Variants in DLG2 observed in about 807,000 individuals in gnomAD.
DLG2 encodes the protein discs large MAGUK scaffold protein 2.
A neutral mutation model predicts 132.5 loss-of-function variants in DLG2; 45 were observed. The ratio of observed to expected loss-of-function variants is 0.34; its 90% CI spans 0.27 to 0.44. The LOEUF (loss-of-function observed/expected upper bound fraction) is 0.44. Among genes scored for constraint, DLG2 ranks in the 20% least tolerant of loss-of-function variants. DLG2 has a pLI of 1.00. For synonymous variants in DLG2, 424 were observed against 419.6 expected (o/e 1.01, Z -0.13); for missense variants, 1,045 against 1,196.9 (o/e 0.87, Z 1.87).
intron 18 of DLG2, among the ~76,000 whole-genome samples, chr11:83,653,964 C>T (rs2071473781): frequency 6.6e-6 from 1 of 152,162 alleles, no homozygotes; most frequent in Non-Finnish European, 1.5e-5. Context: ...AAGTGATCTG[C>T]CTGCCTCTAC....
chr11:83,645,981 T>G (rs2068041098), intron 18 of DLG2: 1 of 152,132 alleles, frequency 6.6e-6, no homozygotes, highest in Non-Finnish European at 1.5e-5. Flanking sequence ...ACAATTTTCC[T>G]ATTTATTTTA....
At chr11:85,198,723 G>C (rs530298894) in intron 4 of DLG2, among the ~76,000 whole-genome samples, 1 of 151,750 alleles carries the variant, frequency 6.6e-6, no homozygotes, top group Non-Finnish European at 1.5e-5. Context: ...CATTATTTTG[G>C]CATTTCTAAT....
intron 6 of DLG2, among the ~76,000 whole-genome samples, chr11:84,924,961 T>A (rs2092922624): frequency 6.6e-6 from 1 of 152,168 alleles, no homozygotes; most frequent in Admixed American, 6.5e-5. Context: ...CTCCCAAGGT[T>A]ATAGCAGGTC....
At chr11:85,057,046 A>G (rs1264136915) in intron 6 of DLG2, among the ~76,000 whole-genome samples, 1 of 151,860 alleles carries the variant, frequency 6.6e-6, no homozygotes, top group Non-Finnish European at 1.5e-5. Flanking sequence ...GGGTAAGTCT[A>G]AGTGAATATT....
chr11:85,007,993 A>G (rs2058843495), intron 6 of DLG2, among the ~76,000 whole-genome samples: 1 of 152,176 alleles, frequency 6.6e-6, no homozygotes. Flanking sequence ...GTATTACAGA[A>G]CAGTCCCCAG....
chr11:84,678,099 G>A (rs1473985137), intron 6 of DLG2, among the ~76,000 whole-genome samples: 1 of 151,918 alleles, frequency 6.6e-6, no homozygotes, highest in Non-Finnish European at 1.5e-5. Flanking sequence ...AGACTCTATG[G>A]AAAAGCAGCT....
chr11:84,679,131 A>G (rs927558920), intron 6 of DLG2, among the ~76,000 whole-genome samples: 2 of 151,830 alleles, frequency 1.3e-5, no homozygotes, highest in African/African-American at 4.8e-5. Context: ...AAATAACAGC[A>G]ATGACTCCAA....
At chr11:83,806,470 G>C (rs180809553) in intron 17 of DLG2, among the ~76,000 whole-genome samples, 2 of 152,220 alleles carry the variant, frequency 1.3e-5, no homozygotes, top group African/African-American at 4.8e-5. Context: ...GTGAATATAT[G>C]TGAGTGGAAA....
chr11:85,255,277 T>C (rs2076611605), intron 4 of DLG2, among the ~76,000 whole-genome samples: 1 of 152,130 alleles, frequency 6.6e-6, no homozygotes, highest in Non-Finnish European at 1.5e-5. Flanking sequence ...GTTTATGAAT[T>C]TTAGCAGTGT....
At chr11:84,917,409 A>G (rs1235293272) in intron 6 of DLG2, among the ~76,000 whole-genome samples, 3 of 152,202 alleles carry the variant, frequency 2.0e-5, no homozygotes, top group African/African-American at 4.8e-5. Flanking sequence ...TTTCATATCT[A>G]TATTATCTAT....
Position 84,695,919 on chromosome 11 carries a change from G to C in DLG2, c.358-161188C>G, listed in dbSNP as rs560584051. 2.6e-4 allele frequency among the ~76,000 whole-genome samples: 39 copies of C among 151,432 alleles called. 1 individual carries two copies. The South Asian group carries it at 7.9e-3, about 31-fold the overall frequency. On this transcript the variant is annotated intron_variant, in intron 6 of 27. Coordinates refer to ENST00000376104, the MANE Select transcript of DLG2 (RefSeq NM_001142699.3). ...AAATGTAATGCTTTTCCCTATACTA[G>C]GCTGTCTGCTCCATAAATACTGCTA... is the stretch of plus-strand genomic sequence containing the variant.
At chr11:84,624,121 T>C (rs183643509) in intron 6 of DLG2, among the ~76,000 whole-genome samples, 99 of 152,316 alleles carry the variant, frequency 6.5e-4, no homozygotes, top group African/African-American at 2.3e-3. Context: ...TGAGTAAAGA[T>C]AGGGGGAAGA....
intron 16 of DLG2, among the ~76,000 whole-genome samples, chr11:83,864,044 T>C (rs1487590275): frequency 1.2e-4 from 19 of 152,234 alleles, no homozygotes. Flanking sequence ...GGCTCTGTTC[T>C]ATACTTCCAT....
At chr11:84,205,276 C>A (rs2096650603) in intron 8 of DLG2, among the ~76,000 whole-genome samples, 1 of 152,050 alleles carries the variant, frequency 6.6e-6, no homozygotes, top group South Asian at 2.1e-4. Flanking sequence ...GAAGTATAGA[C>A]AAATCTACAA....
At chr11:84,739,787 A>T (rs908146422) in intron 6 of DLG2, among the ~76,000 whole-genome samples, 2 of 152,202 alleles carry the variant, frequency 1.3e-5, no homozygotes, top group African/African-American at 4.8e-5. Flanking sequence ...TATCAAAACA[A>T]TATAGTAGTA....
intron 6 of DLG2, among the ~76,000 whole-genome samples, chr11:84,847,202 C>T (rs1019581247): frequency 5.3e-5 from 8 of 152,020 alleles, no homozygotes; most frequent in African/African-American, 1.7e-4. Flanking sequence ...GCTTTGGAAC[C>T]GGATAGCATG....
intron 15 of DLG2, among the ~76,000 whole-genome samples, chr11:83,920,588 G>T (rs2077691831): frequency 6.6e-6 from 1 of 151,888 alleles, no homozygotes; most frequent in Non-Finnish European, 1.5e-5. Context: ...GTATCTATTG[G>T]GGGGGTCACA....
intron 18 of DLG2, among the ~76,000 whole-genome samples, chr11:83,782,779 T>C (rs2094886225): frequency 6.6e-6 from 1 of 151,692 alleles, no homozygotes. Flanking sequence ...AGACAAGGAG[T>C]TAGTGCACAG....
chr11:84,109,376 C>T (rs1284923763), intron 9 of DLG2, among the ~76,000 whole-genome samples: 1 of 152,116 alleles, frequency 6.6e-6, no homozygotes, highest in South Asian at 2.1e-4. Flanking sequence ...GAGTAAGGAG[C>T]GATATGACAA....
Sources: gnomAD v4.1 joint callset for allele counts (sites outside exome capture counted in the v4.1 genomes callset) on GRCh38, gnomAD v4.1.1 for gene constraint, MANE v1.5 for transcripts, NCBI Gene and HGNC (gene_info 2026-07-23, HGNC 2026-07-21) for gene names.